The following RECK variants were observed in gnomAD, a reference collection of about 807,000 sequenced individuals.
RECK encodes the protein reversion-inducing cysteine-rich protein with Kazal motifs.
RECK carries 69 observed loss-of-function variants against 115.1 expected under a neutral mutation model. The observed-to-expected ratio is 0.60, with a 90% confidence interval of 0.49 to 0.73. The LOEUF (loss-of-function observed/expected upper bound fraction) is 0.73. RECK is among the 30% of genes least tolerant of loss of function. The probability of loss-of-function intolerance (pLI) is 0.00; values close to 1 mark genes in which losing one functional copy is unlikely to be tolerated. For missense variants in RECK, 1,047 were observed against 1,203.7 expected (o/e 0.87, Z 1.93); for synonymous variants, 414 against 419.7 (o/e 0.99, Z 0.17).
At chr9:36,038,836 T>G (rs1208892503) in intron 1 of RECK, among the ~76,000 whole-genome samples, 1 of 152,080 alleles carries the variant, frequency 6.6e-6, no homozygotes, top group Middle Eastern at 3.2e-3. Context: ...AAGAAACTTT[T>G]TTGCTGGGGG....
chr9:36,106,811 A>G lies in RECK; in HGVS notation c.1577-1165A>G, dbSNP rs1823837319. Among the ~76,000 whole-genome samples the G allele has an allele frequency of 2.0e-5, 3 of 151,960 alleles. No homozygotes were observed. In the South Asian group the frequency reaches 6.2e-4, roughly 32 times the overall value. On this transcript the variant is annotated intron_variant, in intron 13 of 20. Transcript: ENST00000377966. ...GTATTTCATATTATTTAAATATATA[A>G]TTCAATTCAGGGGCCGGGCGCAGTG...
chr9:36,120,152 A>G (rs6476530), intron 18 of RECK, among the ~76,000 whole-genome samples: 3,891 of 151,868 alleles, frequency 0.026, 175 homozygotes, highest in African/African-American at 0.087. Context: ...GGAGAATGGC[A>G]TGAACCCGGG....
intron 6 of RECK, among the ~76,000 whole-genome samples, chr9:36,075,169 C>G (rs1822400482): frequency 6.6e-6 from 1 of 152,202 alleles, no homozygotes; most frequent in Non-Finnish European, 1.5e-5. Context: ...CAAAGCAAGG[C>G]AAGTCACATG....
chr9:36,111,900 G>A (rs1824059540), intron 15 of RECK, among the ~76,000 whole-genome samples: 2 of 151,438 alleles, frequency 1.3e-5, no homozygotes, highest in Admixed American at 6.6e-5. Flanking sequence ...ACAAAGGAAA[G>A]CCATCTTGCA....
intron 6 of RECK, among the ~76,000 whole-genome samples, chr9:36,075,538 A>G (rs928542491): frequency 6.6e-6 from 1 of 152,214 alleles, no homozygotes; most frequent in Non-Finnish European, 1.5e-5. Flanking sequence ...TACATATTCT[A>G]GTCATCTATA....
intron 12 of RECK, among the ~76,000 whole-genome samples, 170 bp downstream of exon 12, chr9:36,102,400 ATTG>A (rs960662318): frequency 6.6e-6 from 1 of 152,214 alleles, no homozygotes; most frequent in African/African-American, 2.4e-5. Context: ...CCAGGAAAGA[ATTG>A]TTGTTTTAAA....
At chr9:36,045,161 G>T (rs1821023814) in intron 1 of RECK, among the ~76,000 whole-genome samples, 1 of 152,060 alleles carries the variant, frequency 6.6e-6, no homozygotes, top group African/African-American at 2.4e-5. Flanking sequence ...AATTGAGGTG[G>T]TGAGTATGTG....
In RECK at chr9:36,101,297, T is replaced by C. The variant is rs181833379; in HGVS notation, c.1298+754T>C. Among the ~76,000 whole-genome samples, 433 of 152,282 alleles carry C rather than the reference T, an allele frequency of 2.8e-3. 1 individual carries two copies. The highest frequency in any genetic ancestry group is 0.01 in the African/African-American group (421 of 41,558). On this transcript the variant is annotated intron_variant, in intron 11 of 20. Transcript: ENST00000377966. ...CTTATTTTGCTTAGGAAATCAAGGA[T>C]CAAGTAAAGATAGGAGCTGCTATAG...
intron 9 of RECK, among the ~76,000 whole-genome samples, chr9:36,090,855 A>T (rs1336455510): frequency 1.3e-5 from 2 of 151,430 alleles, no homozygotes; most frequent in Admixed American, 1.3e-4. Flanking sequence ...AATCAGAAAG[A>T]TATAGGGGGA....
intron 10 of RECK, among the ~76,000 whole-genome samples, chr9:36,096,515 C>T (rs1409979448): frequency 6.6e-6 from 1 of 151,856 alleles, no homozygotes; most frequent in Non-Finnish European, 1.5e-5. Context: ...CCAGCCTGGG[C>T]AACACAGCAA....
intron 4 of RECK, among the ~76,000 whole-genome samples, chr9:36,060,476 C>T (rs1199351273): frequency 6.6e-6 from 1 of 152,144 alleles, no homozygotes; most frequent in Non-Finnish European, 1.5e-5. Flanking sequence ...GTTCTCTTGT[C>T]TCCACTTCTG....
At chr9:36,088,106 G>C (rs1823034656) in intron 9 of RECK, 145 bp downstream of exon 9, 2 of 645,590 alleles carry the variant, frequency 3.1e-6, no homozygotes, top group Admixed American at 5.9e-5. Context: ...TCCAACAAAT[G>C]TGTATTGAGC....
intron 16 of RECK, 85 bp from the exon 17 acceptor site, chr9:36,116,900 C>G (rs1824288457): frequency 1.9e-6 from 2 of 1,067,260 alleles, no homozygotes; most frequent in Non-Finnish European, 2.8e-6. Context: ...CTCTCTTCAG[C>G]CTCCTATCCC....
At chr9:36,044,004 G>A (rs1486726543) in intron 1 of RECK, among the ~76,000 whole-genome samples, 1 of 152,066 alleles carries the variant, frequency 6.6e-6, no homozygotes, top group African/African-American at 2.4e-5. Flanking sequence ...GTTCTGTGAA[G>A]AATGATGATG....
chr9:36,038,772 AG>A (rs1169259166), intron 1 of RECK, among the ~76,000 whole-genome samples: 1 of 152,148 alleles, frequency 6.6e-6, no homozygotes, highest in Non-Finnish European at 1.5e-5. Context: ...TTCACAATAA[AG>A]GGTCCAAGGA....
chr9:36,097,174 A>T (rs746935992), intron 10 of RECK, among the ~76,000 whole-genome samples: 2 of 152,084 alleles, frequency 1.3e-5, no homozygotes, highest in Non-Finnish European at 1.5e-5. Flanking sequence ...AAATATTTTT[A>T]AAAATTAGCT....
intron 16 of RECK, among the ~76,000 whole-genome samples, chr9:36,115,410 A>G (rs565631833): frequency 6.7e-6 from 1 of 150,294 alleles, no homozygotes; most frequent in Admixed American, 6.6e-5. Context: ...ACATTAGGAC[A>G]TAACAACAAA....
chr9:36,080,057 A>T (rs1057294372), intron 6 of RECK, among the ~76,000 whole-genome samples: 1 of 152,078 alleles, frequency 6.6e-6, no homozygotes, highest in Non-Finnish European at 1.5e-5. Context: ...GGATGGCTAT[A>T]AAAAAACTGT....
rs537288888 is a variant in RECK, at chr9:36,085,912, GCTCT to G, written c.638-1779_638-1776del. 5.3e-5 allele frequency: 8 copies of G among 152,014 alleles called. No homozygotes were observed. The South Asian group carries it at 1.7e-3, about 32-fold the overall frequency. The allele number at this position is 152,014 out of a possible 1,614,324, so 9.4% of individuals were successfully genotyped here. A position where few individuals can be genotyped will look rare whatever the true frequency, so the allele number is the denominator to read the frequency against. On this transcript the variant is annotated intron_variant, in intron 8 of 20. Coordinates refer to ENST00000377966, the MANE Select transcript of RECK (RefSeq NM_021111.3). ...TCATTTGTTTTAAAGGCAGATCTGT[GCTCT>G]CTGACATTTAGTCTATACGAGATAC...
Sources: allele counts gnomAD v4.1 joint callset (sites outside exome capture counted in the v4.1 genomes callset), GRCh38; gene constraint gnomAD v4.1.1; transcripts MANE v1.5; gene names NCBI Gene and HGNC (gene_info 2026-07-23, HGNC 2026-07-21).